Variants in SGMS1 observed in about 807,000 individuals in gnomAD.
SGMS1 encodes sphingomyelin synthase 1, also known as phosphatidylcholine:ceramide cholinephosphotransferase 1.
A neutral mutation model predicts 46.2 loss-of-function variants in SGMS1; 13 were observed. The ratio of observed to expected loss-of-function variants is 0.28; its 90% CI spans 0.18 to 0.45. SGMS1 has a LOEUF of 0.45. SGMS1 is among the 20% of genes least tolerant of loss of function. The pLI, the probability that SGMS1 is intolerant of heterozygous loss-of-function variation, is 1.00. For synonymous variants in SGMS1, 203 were observed against 187.8 expected (o/e 1.08, Z -0.66); for missense variants, 324 against 519.9 (o/e 0.62, Z 3.66).
intron 3 of SGMS1, among the ~76,000 whole-genome samples, chr10:50,475,342 T>C (rs192184928): frequency 5.3e-5 from 8 of 152,350 alleles, no homozygotes; most frequent in Non-Finnish European, 1.0e-4. Context: ...CTTTAATTCA[T>C]CTCAGTTAAT....
At chr10:50,558,521 T>A (rs1195107984) in intron 2 of SGMS1, among the ~76,000 whole-genome samples, 1 of 152,178 alleles carries the variant, frequency 6.6e-6, no homozygotes, top group Admixed American at 6.5e-5. Context: ...CTTTCCTGAT[T>A]AATGGCAGGG....
intron 6 of SGMS1, among the ~76,000 whole-genome samples, chr10:50,399,759 C>T (rs1014445233): frequency 6.6e-6 from 1 of 151,954 alleles, no homozygotes; most frequent in Non-Finnish European, 1.5e-5. Flanking sequence ...CCAGGCACGG[C>T]GGCTCACACC....
intron 2 of SGMS1, among the ~76,000 whole-genome samples, chr10:50,545,526 C>G (rs12241031): frequency 1.3e-5 from 2 of 150,440 alleles, no homozygotes; most frequent in African/African-American, 4.9e-5. Flanking sequence ...AACCTCCACC[C>G]CTGGGTTCAA....
intron 2 of SGMS1, among the ~76,000 whole-genome samples, chr10:50,530,436 A>C (rs893407941): frequency 2.0e-4 from 31 of 152,356 alleles, no homozygotes; most frequent in African/African-American, 7.2e-4. Context: ...CATAATTCTA[A>C]TCAAGGGAAA....
chr10:50,313,860 T>TTTTTA (rs1847297084), intron 8 of SGMS1, among the ~76,000 whole-genome samples: 1 of 152,208 alleles, frequency 6.6e-6, no homozygotes, highest in African/African-American at 2.4e-5. Context: ...TAATGCTGTA[T>TTTTTA]TTCTTACAGG....
At chr10:50,526,917 T>C (rs1837907009) in intron 2 of SGMS1, among the ~76,000 whole-genome samples, 1 of 151,734 alleles carries the variant, frequency 6.6e-6, no homozygotes, top group Non-Finnish European at 1.5e-5. Flanking sequence ...ATACAAAAAT[T>C]AGCTGGGCAT....
chr10:50,426,440 G>A (rs564753150), intron 6 of SGMS1, among the ~76,000 whole-genome samples: 4 of 152,282 alleles, frequency 2.6e-5, no homozygotes, highest in Admixed American at 2.6e-4. Context: ...TATTTGGTAT[G>A]AAATGTAGTA....
At chr10:50,408,704 G>A (rs865988855) in intron 6 of SGMS1, among the ~76,000 whole-genome samples, 14 of 151,964 alleles carry the variant, frequency 9.2e-5, no homozygotes, top group Admixed American at 5.2e-4. Flanking sequence ...GCAGGGCATG[G>A]TGGTGCATGC....
chr10:50,460,223 T>C (rs186018069), intron 5 of SGMS1: 13 of 152,268 alleles, frequency 8.5e-5, no homozygotes, highest in African/African-American at 3.1e-4. Flanking sequence ...AGTAAATGAC[T>C]AAGAGGGAAC....
intron 8 of SGMS1, among the ~76,000 whole-genome samples, chr10:50,313,093 C>G (rs1369658393): frequency 6.6e-6 from 1 of 152,216 alleles, no homozygotes; most frequent in Non-Finnish European, 1.5e-5. Context: ...TAGGAAACGA[C>G]ATGACTTGGC....
intron 2 of SGMS1, among the ~76,000 whole-genome samples, chr10:50,566,165 CAGG>C (rs1341121266): frequency 6.6e-6 from 1 of 152,130 alleles, no homozygotes; most frequent in Non-Finnish European, 1.5e-5. Flanking sequence ...TTCATAAGTG[CAGG>C]AGATGACAAA....
chr10:50,370,742 TAA>T (rs34960612), intron 6 of SGMS1, among the ~76,000 whole-genome samples: 10 of 134,820 alleles, frequency 7.4e-5, no homozygotes, highest in Non-Finnish European at 6.3e-5. Context: ...TCCATCTCAA[TAA>T]AAAAAAAAAA....
chr10:50,344,053 A>G lies in SGMS1; in HGVS notation c.62T>C (p.Met21Thr). 6.2e-7 allele frequency: 1 copy of G among 1,614,152 alleles called. No homozygotes were observed. Among genetic ancestry groups the G allele is most frequent in the Non-Finnish European group, 8.5e-7 (1 of 1,180,020 alleles). ...KVADWLLENAMPEYCEPLEHF... is the reference protein window; with the variant it reads ...KVADWLLENATPEYCEPLEHF... ...CTCCAGAGGCTCACAGTATTCTGGC[A>G]TAGCATTCTCCAGCAGCCAGTCTGC... Residue 21 changes from methionine (M) to threonine (T), a missense_variant, in exon 7 of 11, where the codon ATG becomes ACG. Around this residue, in one of 2 missense-constraint regions of SGMS1, gnomAD observed 150 missense variants for 169.8 expected, o/e 0.88. Transcript: ENST00000361781.
At chr10:50,386,396 A>C (rs1848682860) in intron 6 of SGMS1, among the ~76,000 whole-genome samples, 1 of 152,218 alleles carries the variant, frequency 6.6e-6, no homozygotes, top group African/African-American at 2.4e-5. Flanking sequence ...TATGGGTTGA[A>C]GTAATTAGAA....
chr10:50,582,029 A>G (rs1838439694), intron 2 of SGMS1, among the ~76,000 whole-genome samples: 1 of 152,244 alleles, frequency 6.6e-6, no homozygotes, highest in African/African-American at 2.4e-5. Flanking sequence ...CCTGCAGTGA[A>G]GAAGCGGCTC....
chr10:50,440,789 T>G (rs559857871), intron 5 of SGMS1, among the ~76,000 whole-genome samples: 1 of 152,262 alleles, frequency 6.6e-6, no homozygotes, highest in South Asian at 2.1e-4. Flanking sequence ...TTTGCTTGTT[T>G]GTTCTTGTAG....
At chr10:50,392,505 A>C (rs1170867715) in intron 6 of SGMS1, among the ~76,000 whole-genome samples, 3 of 152,164 alleles carry the variant, frequency 2.0e-5, no homozygotes, top group African/African-American at 7.2e-5. Context: ...TCTACTGGTG[A>C]CTAGGTTCTA....
chr10:50,334,009 CAG>C (rs1191192356), intron 7 of SGMS1, among the ~76,000 whole-genome samples: 1 of 152,184 alleles, frequency 6.6e-6, no homozygotes, highest in Non-Finnish European at 1.5e-5. Context: ...AGCCTGGAGC[CAG>C]AGAGTAAGTC....
At chr10:50,572,777 G>A (rs897715590) in intron 2 of SGMS1, among the ~76,000 whole-genome samples, 1 of 152,040 alleles carries the variant, frequency 6.6e-6, no homozygotes, top group Non-Finnish European at 1.5e-5. Context: ...GATCCTTTTT[G>A]TATTTATATA....
Sources: allele counts gnomAD v4.1 joint callset (sites outside exome capture counted in the v4.1 genomes callset), GRCh38; gene constraint gnomAD v4.1.1; regional missense constraint gnomAD v4.1.1; transcripts MANE v1.5; gene names NCBI Gene and HGNC (gene_info 2026-07-23, HGNC 2026-07-21).